Variants in SPAG9 observed in about 807,000 individuals in gnomAD.
The protein encoded by SPAG9 is C-Jun-amino-terminal kinase-interacting protein 4.
In SPAG9, 35 loss-of-function variants were observed where a neutral mutation model predicts 166.5. The observed-to-expected ratio is 0.21, with a 90% CI of 0.16 to 0.28. The LOEUF (loss-of-function observed/expected upper bound fraction) is 0.28. Ranked by LOEUF, SPAG9 falls within the 10% of genes least tolerant of loss-of-function variation. The pLI is 1.00. For missense variants in SPAG9, 1,235 were observed against 1,603.3 expected (o/e 0.77, Z 3.92); for synonymous variants, 534 against 565.5 (o/e 0.94, Z 0.79).
At chr17:51,059,834 A>G (rs1022062562) in intron 2 of SPAG9, among the ~76,000 whole-genome samples, 4 of 152,116 alleles carry the variant, frequency 2.6e-5, no homozygotes, top group East Asian at 3.9e-4. Flanking sequence ...TACCACCTTC[A>G]TCACTCTCAC....
intron 7 of SPAG9, among the ~76,000 whole-genome samples, chr17:51,020,576 T>C (rs542151427): frequency 1.3e-5 from 2 of 152,206 alleles, no homozygotes; most frequent in South Asian, 2.1e-4. Context: ...TAAACTAAGA[T>C]AGGGGACAGA....
intron 12 of SPAG9, among the ~76,000 whole-genome samples, chr17:51,003,683 TC>T (rs2045066274): frequency 1.3e-5 from 2 of 152,206 alleles, no homozygotes; most frequent in African/African-American, 4.8e-5. Flanking sequence ...ACATTTTGGA[TC>T]AAAGCTGAAA....
chr17:51,096,056 T>TATATATATATAGTG (rs1568084244), intron 1 of SPAG9, among the ~76,000 whole-genome samples: 66 of 141,382 alleles, frequency 4.7e-4, no homozygotes, highest in Middle Eastern at 3.7e-3. Flanking sequence ...TATATAGTGA[T>TATATATATATAGTG]ATATATATAT....
At chr17:51,092,301 G>T (rs990816958) in intron 1 of SPAG9, among the ~76,000 whole-genome samples, 1 of 151,344 alleles carries the variant, frequency 6.6e-6, no homozygotes, top group Non-Finnish European at 1.5e-5. Flanking sequence ...CAAATGATTT[G>T]GTTTCTTCTA....
intron 5 of SPAG9, 103 bp downstream of exon 5, chr17:51,041,398 C>T (rs780577735): frequency 1.9e-5 from 20 of 1,070,224 alleles, no homozygotes; most frequent in Middle Eastern, 2.2e-4. Context: ...TAAATGTATA[C>T]AAACAATTAC....
chr17:51,119,190 C>T (rs191363809), intron 1 of SPAG9, among the ~76,000 whole-genome samples: 27 of 152,128 alleles, frequency 1.8e-4, no homozygotes, highest in African/African-American at 6.5e-4. Flanking sequence ...GTATACGTGA[C>T]AAAATAAAAC....
At chr17:51,108,518 C>T (rs2049017564) in intron 1 of SPAG9, among the ~76,000 whole-genome samples, 2 of 151,990 alleles carry the variant, frequency 1.3e-5, no homozygotes, top group African/African-American at 4.8e-5. Context: ...CTTGCTCTGT[C>T]ACCCAGAGCA....
intron 3 of SPAG9, among the ~76,000 whole-genome samples, chr17:51,052,289 T>G (rs1008191939): frequency 9.2e-5 from 14 of 152,348 alleles, no homozygotes; most frequent in African/African-American, 3.4e-4. Context: ...GTTCTTTGGC[T>G]TTAGATAGCT....
chr17:50,978,523 C>T (rs949670993), intron 26 of SPAG9, among the ~76,000 whole-genome samples: 1 of 152,110 alleles, frequency 6.6e-6, no homozygotes, highest in Non-Finnish European at 1.5e-5. Flanking sequence ...ATGATGGTCC[C>T]TGATCTTCAC....
Position 50,964,653 on chromosome 17 carries a change from C to A in SPAG9, c.*1619G>T. ...AATAGATAAAAAAGGGTAAATCACACATTTTCAAGAAGCTTGAGAGGGAAA... is the reference window on the plus strand; with the variant it reads ...AATAGATAAAAAAGGGTAAATCACAAATTTTCAAGAAGCTTGAGAGGGAAA... On this transcript the variant is annotated 3_prime_UTR_variant, in exon 30 of 30. Transcript: ENST00000262013. 2.5e-6 allele frequency: 1 copy of A among 395,696 alleles called. No homozygotes were observed. The highest frequency in any genetic ancestry group is 5.1e-6 in the Non-Finnish European group (1 of 197,132). The allele number at this position is 395,696 out of a possible 1,614,324, so 24.5% of individuals were successfully genotyped here.
chr17:51,060,604 A>C (rs575543998), intron 2 of SPAG9, among the ~76,000 whole-genome samples: 1 of 151,800 alleles, frequency 6.6e-6, no homozygotes. Flanking sequence ...TGGTATCCTT[A>C]TAACAGCAAG....
chr17:51,030,064 T>C (rs1424968875), intron 6 of SPAG9, among the ~76,000 whole-genome samples: 2 of 152,166 alleles, frequency 1.3e-5, no homozygotes, highest in African/African-American at 4.8e-5. Context: ...CTTTGTGCCA[T>C]TTTCTTATGG....
intron 9 of SPAG9, chr17:51,007,725 T>C: frequency 2.6e-6 from 1 of 377,536 alleles, no homozygotes; most frequent in South Asian, 2.0e-5. Context: ...AAATTGTTTC[T>C]AAATCACATC....
intron 2 of SPAG9, among the ~76,000 whole-genome samples, chr17:51,058,423 T>G (rs1391578027): frequency 6.6e-6 from 1 of 152,202 alleles, no homozygotes; most frequent in Non-Finnish European, 1.5e-5. Context: ...GCTAAGTAAC[T>G]TGCCCAAAGT....
At chr17:51,068,749 A>T (rs992198668) in intron 2 of SPAG9, among the ~76,000 whole-genome samples, 3 of 152,200 alleles carry the variant, frequency 2.0e-5, no homozygotes, top group Admixed American at 1.3e-4. Context: ...CTGTTCTCTA[A>T]GCAAATCACC....
intron 3 of SPAG9, among the ~76,000 whole-genome samples, chr17:51,053,850 A>G: frequency 1.7e-5 from 1 of 57,210 alleles, no homozygotes; most frequent in East Asian, 5.2e-4. Flanking sequence ...AAAAAAAAAA[A>G]AAAAGTATAT....
chr17:51,002,829 G>A (rs530614532), intron 12 of SPAG9, among the ~76,000 whole-genome samples: 1 of 152,132 alleles, frequency 6.6e-6, no homozygotes, highest in South Asian at 2.1e-4. Context: ...GATGGTCCAC[G>A]CCTATAATCC....
At chr17:51,105,309 A>AACTAAATG (rs1424414079) in intron 1 of SPAG9, among the ~76,000 whole-genome samples, 1 of 152,158 alleles carries the variant, frequency 6.6e-6, no homozygotes, top group Non-Finnish European at 1.5e-5. Context: ...AAGTCAAACA[A>AACTAAATG]ACTAAATGTA....
chr17:51,010,226 C>A (rs1250831132), intron 9 of SPAG9, among the ~76,000 whole-genome samples: 2 of 152,118 alleles, frequency 1.3e-5, no homozygotes, highest in Non-Finnish European at 2.9e-5. Flanking sequence ...TCCAAAGGTA[C>A]ATTGCTCTCT....
Sources: gnomAD v4.1 joint callset for allele counts (sites outside exome capture counted in the v4.1 genomes callset) on GRCh38, gnomAD v4.1.1 for gene constraint, MANE v1.5 for transcripts, NCBI Gene and HGNC (gene_info 2026-07-23, HGNC 2026-07-21) for gene names.